Variants in DST observed in about 807,000 individuals in gnomAD.
The protein encoded by DST is bullous pemphigoid antigen.
Under a neutral mutation model 875.2 loss-of-function variants are expected in DST, and 253 were observed. The ratio of observed to expected loss-of-function variants is 0.29; its 90% CI spans 0.26 to 0.32. DST has a LOEUF of 0.32. Ranked by LOEUF, DST falls within the 10% of genes least tolerant of loss-of-function variation. The pLI, the probability that DST is intolerant of heterozygous loss-of-function variation, is 1.00. For missense variants in DST, 8,287 were observed against 9,111.6 expected (o/e 0.91, Z 3.68); for synonymous variants, 3,124 against 3,197.1 (o/e 0.98, Z 0.77).
At chr6:56,590,923 C>T (rs1248566302) in intron 49 of DST, among the ~76,000 whole-genome samples, 1 of 152,202 alleles carries the variant, frequency 6.6e-6, no homozygotes, top group South Asian at 2.1e-4. Context: ...TCAGGCAATA[C>T]CTAACTTTAA....
At chr6:56,738,194 A>G (rs1266478537) in intron 4 of DST, among the ~76,000 whole-genome samples, 1 of 152,238 alleles carries the variant, frequency 6.6e-6, no homozygotes, top group East Asian at 1.9e-4. Flanking sequence ...GATTCTGCCT[A>G]TAATACCTTT....
At chr6:56,869,610 T>G (rs1474627083) in intron 3 of DST, among the ~76,000 whole-genome samples, 1 of 151,968 alleles carries the variant, frequency 6.6e-6, no homozygotes, top group African/African-American at 2.4e-5. Context: ...AAAAACTTCA[T>G]AACCACAAGC....
intron 2 of DST, among the ~76,000 whole-genome samples, chr6:56,927,656 A>C (rs953275758): frequency 6.6e-6 from 1 of 152,144 alleles, no homozygotes; most frequent in East Asian, 1.9e-4. Context: ...AAAACCATAC[A>C]ATCACCCCCT....
At position 56,606,686 on chromosome 6, in the gene DST, T is replaced by C. The variant is rs2098501380; in HGVS notation, c.7942A>G (p.Asn2648Asp). ...TCAGCAGGAGAAGCCGTCTCATCAT[T>C]TTCCTCTTGCAGTGTGTCGTAGTCC... ...PEDYDTLQEE[N>D]DETASPADVF... The change falls in exon 40 of 104, where the codon AAT becomes GAT. Residue 2648 changes from asparagine to aspartate, a missense_variant. Around this residue, in one of 10 missense-constraint regions of DST, gnomAD observed 3,138 missense variants for 3,116.6 expected, o/e 1.01. Transcript: ENST00000680361. 1.2e-6 allele frequency: 2 copies of C among 1,613,512 alleles called. No homozygotes were observed. The highest frequency in any genetic ancestry group is 1.3e-5 in the African/African-American group (1 of 74,892).
chr6:56,688,792 A>C (rs965637998), intron 9 of DST, among the ~76,000 whole-genome samples: 2 of 152,212 alleles, frequency 1.3e-5, no homozygotes, highest in African/African-American at 4.8e-5. Flanking sequence ...ATAATGCACA[A>C]GGAAAAGAGC....
chr6:56,637,044 T>A (rs2098832321), intron 22 of DST, among the ~76,000 whole-genome samples: 1 of 151,744 alleles, frequency 6.6e-6, no homozygotes. Flanking sequence ...AATTGCGCCA[T>A]CGCACTCCAG....
chr6:56,655,053 C>T (rs755845845), intron 10 of DST, among the ~76,000 whole-genome samples: 3 of 149,234 alleles, frequency 2.0e-5, no homozygotes, highest in Non-Finnish European at 4.4e-5. Flanking sequence ...CCCAGCTACT[C>T]GGGAGGGTGA....
intron 72 of DST, among the ~76,000 whole-genome samples, chr6:56,512,459 T>C (rs1365391605): frequency 6.6e-6 from 1 of 152,218 alleles, no homozygotes; most frequent in Non-Finnish European, 1.5e-5. Flanking sequence ...CTGTGCAGCA[T>C]TGAGGGGTCT....
chr6:56,761,085 A>G (rs1286908192), intron 4 of DST, among the ~76,000 whole-genome samples: 1 of 152,234 alleles, frequency 6.6e-6, no homozygotes, highest in African/African-American at 2.4e-5. Flanking sequence ...ACCCTGGGGG[A>G]AGCCAGTTGC....
intron 3 of DST, among the ~76,000 whole-genome samples, chr6:56,867,430 T>C (rs764559552): frequency 1.6e-4 from 24 of 152,330 alleles, no homozygotes; most frequent in Admixed American, 3.9e-4. Flanking sequence ...TACAGTCTCA[T>C]TTATGGTTAT....
At chr6:56,489,668 T>G in intron 85 of DST, 59 bp from the exon 86 acceptor site, 8 of 1,506,594 alleles carry the variant, frequency 5.3e-6, no homozygotes, top group Non-Finnish European at 7.2e-6. Context: ...ACTTGAGATC[T>G]AGCACAGTTT....
chr6:56,544,646 T>C (rs1355870783), intron 61 of DST, among the ~76,000 whole-genome samples: 2 of 151,534 alleles, frequency 1.3e-5, no homozygotes, highest in East Asian at 2.0e-4. Flanking sequence ...AAAATGGCCA[T>C]GACACAGTTC....
intron 4 of DST, among the ~76,000 whole-genome samples, chr6:56,836,252 T>C (rs913476532): frequency 6.6e-6 from 1 of 152,190 alleles, no homozygotes; most frequent in African/African-American, 2.4e-5. Flanking sequence ...ACTAAAAATA[T>C]ATAGTTTAGG....
chr6:56,890,727 A>G (rs775169414), intron 3 of DST, among the ~76,000 whole-genome samples: 6 of 152,250 alleles, frequency 3.9e-5, no homozygotes, highest in Admixed American at 6.5e-5. Flanking sequence ...TAACACTTCA[A>G]GAGGATGGTC....
chr6:56,819,971 T>C (rs1324218483), intron 4 of DST, among the ~76,000 whole-genome samples: 8 of 152,220 alleles, frequency 5.3e-5, no homozygotes, highest in Admixed American at 2.0e-4. Context: ...AAACAAGTCA[T>C]AAAATAATTC....
chr6:56,594,296 G>T, intron 47 of DST, 103 bp from the exon 48 acceptor site: 1 of 894,530 alleles, frequency 1.1e-6, no homozygotes, highest in Non-Finnish European at 1.6e-6. Context: ...TGATCTACAG[G>T]GCTACAACTT....
At chr6:56,509,537 T>A (rs990617113) in intron 74 of DST, 105 bp downstream of exon 74, 1 of 807,920 alleles carries the variant, frequency 1.2e-6, no homozygotes, top group African/African-American at 1.7e-5. Context: ...ACATTTGTAG[T>A]ATCTTTTTTA....
chr6:56,539,448 G>A (rs2097082298), intron 61 of DST, among the ~76,000 whole-genome samples: 1 of 152,170 alleles, frequency 6.6e-6, no homozygotes, highest in Admixed American at 6.5e-5. Context: ...CTGAGAAGAG[G>A]AACGGTTCTG....
intron 4 of DST, among the ~76,000 whole-genome samples, chr6:56,786,411 T>C (rs2099705671): frequency 6.6e-6 from 1 of 152,232 alleles, no homozygotes; most frequent in Non-Finnish European, 1.5e-5. Flanking sequence ...CACCTAATAA[T>C]GAGAATACCC....
Sources: gnomAD v4.1 joint callset for allele counts (sites outside exome capture counted in the v4.1 genomes callset) on GRCh38, gnomAD v4.1.1 for gene constraint, gnomAD v4.1.1 regional missense constraint, MANE v1.5 for transcripts, NCBI Gene and HGNC (gene_info 2026-07-23, HGNC 2026-07-21) for gene names.